ENAH: variants seen among roughly 807,000 people sequenced by gnomAD.
ENAH encodes the protein ENAH actin regulator.
In ENAH, 23 loss-of-function variants were observed where a neutral mutation model predicts 78.7. The ratio of observed to expected loss-of-function variants is 0.29; its 90% CI spans 0.21 to 0.41. ENAH has a LOEUF of 0.41. Ranked by LOEUF, ENAH falls within the 10% of genes least tolerant of loss-of-function variation. The pLI, the probability that ENAH is intolerant of heterozygous loss-of-function variation, is 1.00. For missense variants in ENAH, 544 were observed against 691.0 expected (o/e 0.79, Z 2.39); for synonymous variants, 226 against 241.0 (o/e 0.94, Z 0.58).
Position 225,514,749 on chromosome 1 carries a change from A to T in ENAH, c.1065T>A (p.Pro355=). Reference sequence around the variant, plus strand: ...GAGGAGGGGGTACTTGATTAGGGAGAGGAGGGGGAGGAGGGGGCGGTGGAG... The same window carrying T: ...GAGGAGGGGGTACTTGATTAGGGAGTGGAGGGGGAGGAGGGGGCGGTGGAG... ...TGPPPPPPPP[P]LPNQVPPPPP... Residue 355 remains proline (P), a synonymous_variant, in exon 7 of 14, where the codon CCT becomes CCA. Coordinates refer to ENST00000366843, the MANE Select transcript of ENAH (RefSeq NM_018212.6). The T allele has an allele frequency of 6.1e-6, 2 of 328,440 alleles. No homozygotes were observed. Among genetic ancestry groups the T allele is most frequent in the Non-Finnish European group, 8.9e-6 (2 of 224,652 alleles). The allele number at this position is 328,440 out of a possible 1,614,324, so 20.3% of individuals were successfully genotyped here.
chr1:225,518,202 A>AT (rs2096436956), intron 5 of ENAH, among the ~76,000 whole-genome samples: 2 of 152,360 alleles, frequency 1.3e-5, no homozygotes, highest in South Asian at 4.1e-4. Flanking sequence ...AGGGGATGAA[A>AT]TAAGTTTCCT....
intron 2 of ENAH, among the ~76,000 whole-genome samples, chr1:225,566,901 T>C (rs2096737559): frequency 1.3e-5 from 2 of 152,226 alleles, no homozygotes; most frequent in South Asian, 2.1e-4. Context: ...ATCCCAAACA[T>C]TGGCAGGAAA....
chr1:225,552,458 C>G (rs934326973), intron 3 of ENAH, among the ~76,000 whole-genome samples: 36 of 152,086 alleles, frequency 2.4e-4, no homozygotes, highest in Non-Finnish European at 4.3e-4. Flanking sequence ...ACATCTTACT[C>G]TCTCCCATGC....
At chr1:225,585,937 G>A (rs1015123538) in intron 1 of ENAH, among the ~76,000 whole-genome samples, 6 of 152,166 alleles carry the variant, frequency 3.9e-5, no homozygotes, top group Non-Finnish European at 8.8e-5. Flanking sequence ...GAAAAGAATG[G>A]GCATGGCGGC....
chr1:225,580,863 T>C (rs1287652403), intron 1 of ENAH, among the ~76,000 whole-genome samples: 2 of 142,196 alleles, frequency 1.4e-5, no homozygotes, highest in Non-Finnish European at 3.0e-5. Context: ...ATCGCATCAC[T>C]GTACTCCAGC....
intron 3 of ENAH, among the ~76,000 whole-genome samples, chr1:225,549,902 T>C (rs751452341): frequency 1.3e-5 from 2 of 152,200 alleles, no homozygotes; most frequent in Non-Finnish European, 2.9e-5. Context: ...GTGTCCTGAA[T>C]TGATCTTCAT....
intron 1 of ENAH, among the ~76,000 whole-genome samples, chr1:225,629,436 A>C (rs1658580514): frequency 1.3e-5 from 2 of 151,912 alleles, no homozygotes; most frequent in East Asian, 1.9e-4. Context: ...AAATGCAAAA[A>C]TCAGCCAGGT....
chr1:225,585,417 A>G (rs1023838801), intron 1 of ENAH, among the ~76,000 whole-genome samples: 1 of 152,122 alleles, frequency 6.6e-6, no homozygotes, highest in Non-Finnish European at 1.5e-5. Flanking sequence ...ACTATACATA[A>G]TAACTGCAGA....
intron 3 of ENAH, among the ~76,000 whole-genome samples, chr1:225,544,860 G>C (rs922585699): frequency 5.3e-5 from 8 of 151,958 alleles, no homozygotes; most frequent in South Asian, 2.1e-4. Context: ...ATCACAAAAA[G>C]AAAAATCACA....
intron 3 of ENAH, among the ~76,000 whole-genome samples, chr1:225,536,576 G>C (rs2096562573): frequency 1.3e-5 from 2 of 151,848 alleles, no homozygotes; most frequent in South Asian, 4.2e-4. Flanking sequence ...AAACAAGACA[G>C]TGTTTTAGAT....
chr1:225,514,928 C>T, intron 6 of ENAH, 28 bp from the exon 7 acceptor site: 3 of 1,571,284 alleles, frequency 1.9e-6, no homozygotes, highest in Non-Finnish European at 2.6e-6. Flanking sequence ...TAAGTAAGAC[C>T]ATCAACAATA....
chr1:225,493,543 C>G lies in ENAH; in HGVS notation c.*4232G>C, dbSNP rs902616128. ...ATATACTAGGATCCTTTTCTCATTC[C>G]TTAGAGCTTTGGAGAGATGTACAGA... On this transcript the variant is annotated 3_prime_UTR_variant, in exon 14 of 14. Coordinates refer to ENST00000366843, the MANE Select transcript of ENAH (RefSeq NM_018212.6). The G allele has an allele frequency of 6.6e-6, 1 of 152,096 alleles. No homozygotes were observed. Among genetic ancestry groups the G allele is most frequent in the East Asian group, 1.9e-4 (1 of 5,202 alleles). 9.4% of individuals were successfully genotyped at this position (152,096 alleles called of 1,614,324 possible).
intron 2 of ENAH, among the ~76,000 whole-genome samples, chr1:225,565,361 G>C (rs1026017646): frequency 2.0e-5 from 3 of 152,040 alleles, no homozygotes; most frequent in African/African-American, 7.2e-5. Context: ...CTTGAACCCG[G>C]GAAGGAGAGG....
At chr1:225,616,182 C>T (rs751280673) in intron 1 of ENAH, among the ~76,000 whole-genome samples, 7 of 152,100 alleles carry the variant, frequency 4.6e-5, no homozygotes, top group Non-Finnish European at 7.4e-5. Flanking sequence ...CCCAGGGACA[C>T]AAACACTGCG....
At chr1:225,621,732 C>T (rs1037910500) in intron 1 of ENAH, among the ~76,000 whole-genome samples, 3 of 152,154 alleles carry the variant, frequency 2.0e-5, no homozygotes, top group African/African-American at 7.2e-5. Flanking sequence ...CTACATGGAC[C>T]TCTAACTGAA....
At chr1:225,559,323 A>T (rs1481619867) in intron 2 of ENAH, among the ~76,000 whole-genome samples, 12 of 152,190 alleles carry the variant, frequency 7.9e-5, no homozygotes, top group Admixed American at 7.2e-4. Context: ...ATTTGTTGAC[A>T]CTTTCTTTAG....
Position 225,544,032 on chromosome 1 carries a change from G to A in ENAH, c.349+10874C>T, listed in dbSNP as rs532718266. On this transcript the variant is annotated intron_variant, in intron 3 of 13. Transcript: ENST00000366843. ...CAGCCGAGATTAAGCTGTAAAAATCGTGGAACAGGTTTGGCTGCTGCTGTG... is the reference window on the plus strand; with the variant it reads ...CAGCCGAGATTAAGCTGTAAAAATCATGGAACAGGTTTGGCTGCTGCTGTG... Among the ~76,000 whole-genome samples, 20 of 152,270 alleles carry A rather than the reference G, an allele frequency of 1.3e-4. No homozygotes were observed. The South Asian group carries it at 2.3e-3, about 17-fold the overall frequency.
rs941973769 is a variant in ENAH, at chr1:225,608,995, T to C, written c.6-41581A>G. 7.9e-5 allele frequency among the ~76,000 whole-genome samples: 12 copies of C among 152,190 alleles called. No individual in the cohort carries two copies. The South Asian group carries it at 8.3e-4, about 11-fold the overall frequency. On this transcript the variant is annotated intron_variant, in intron 1 of 13. Transcript: ENST00000366843. ...GTTATCTATCAAGAGTAGGCTCTAA[T>C]AGATATTCTTAAATATTCTAAGTCT... is the stretch of plus-strand genomic sequence containing the variant.
At chr1:225,600,670 C>A (rs1408669929) in intron 1 of ENAH, among the ~76,000 whole-genome samples, 1 of 151,886 alleles carries the variant, frequency 6.6e-6, no homozygotes, top group Admixed American at 6.6e-5. Context: ...CCAGCCTGGG[C>A]AACAAGGTGA....
Sources: gnomAD v4.1 joint callset for allele counts (sites outside exome capture counted in the v4.1 genomes callset) on GRCh38, gnomAD v4.1.1 for gene constraint, MANE v1.5 for transcripts, NCBI Gene and HGNC (gene_info 2026-07-23, HGNC 2026-07-21) for gene names.